The following PKMYT1 variants were observed in gnomAD, a reference collection of about 807,000 sequenced individuals.
PKMYT1 encodes the protein protein kinase, membrane associated tyrosine/threonine 1.
A neutral mutation model predicts 49.7 loss-of-function variants in PKMYT1; 35 were observed. The ratio of observed to expected loss-of-function variants is 0.70; its 90% CI spans 0.54 to 0.93. PKMYT1 has a LOEUF of 0.93. PKMYT1 is among the 40% of genes least tolerant of loss of function. PKMYT1 has a pLI of 0.00. For missense variants in PKMYT1, 677 were observed against 673.1 expected, an observed-to-expected ratio of 1.01 and a Z score of -0.06; for synonymous variants, 331 against 287.6, an observed-to-expected ratio of 1.15 and a Z score of -1.53.
At chr16:2,977,107 G>A (rs1247666223) in intron 2 of PKMYT1, 76 bp from the exon 3 acceptor site, 3 of 1,574,430 alleles carry the variant, frequency 1.9e-6, no homozygotes, top group Non-Finnish European at 2.6e-6. Context: ...GCTCCAAAGA[G>A]GCCACAGAAG....
chr16:2,974,974 G>A (rs940491671), intron 4 of PKMYT1, among the ~76,000 whole-genome samples: 1 of 152,234 alleles, frequency 6.6e-6, no homozygotes, highest in African/African-American at 2.4e-5. Flanking sequence ...GTGGTTACCA[G>A]TGTGGACCCT....
At chr16:2,977,213 C>T in intron 2 of PKMYT1, 182 bp from the exon 3 acceptor site, 1 of 1,419,244 alleles carries the variant, frequency 7.0e-7, no homozygotes, top group Non-Finnish European at 9.2e-7. Context: ...TTCATACTCA[C>T]CTGCCCACCA....
intron 2 of PKMYT1, chr16:2,977,271 G>C: frequency 7.3e-7 from 1 of 1,361,366 alleles, no homozygotes; most frequent in Non-Finnish European, 9.5e-7. Flanking sequence ...AAAACCATGG[G>C]GCCCGTGTTC....
Position 2,975,309 on chromosome 16 carries a change from C to G in PKMYT1, c.872+10G>C, listed in dbSNP as rs369223357. 6 of 1,598,134 alleles carry G rather than the reference C, an allele frequency of 3.8e-6. No homozygotes were observed. The highest frequency in any genetic ancestry group is 5.1e-6 in the Non-Finnish European group (6 of 1,170,012). ...AGCCTGCCAAACACCTGGCGTGCCC[C>G]GGTCCCCACCTGAACACATCCGCTG... On this transcript the variant is annotated intron_variant, in intron 4 of 8. Transcript: ENST00000262300.
At chr16:2,973,387 A>G in intron 7 of PKMYT1, 172 bp from the exon 8 acceptor site, 1 of 1,538,506 alleles carries the variant, frequency 6.5e-7, no homozygotes, top group Non-Finnish European at 8.7e-7. Context: ...GACAGCCTTC[A>G]AAGTCCTTCC....
chr16:2,977,269 G>A, intron 2 of PKMYT1: 7 of 1,367,042 alleles, frequency 5.1e-6, no homozygotes, highest in Non-Finnish European at 6.6e-6. Context: ...GGAAAACCAT[G>A]GGGCCCGTGT....
At chr16:2,975,992 C>A in intron 3 of PKMYT1, 180 bp from the exon 4 acceptor site, 2 of 683,018 alleles carry the variant, frequency 2.9e-6, no homozygotes, top group Non-Finnish European at 4.8e-6. Context: ...CTCCATCCCT[C>A]GGGCTGGGTC....
Position 2,974,017 on chromosome 16 carries a change from C to A in PKMYT1, c.1293G>T (p.Trp431Cys). Reference protein sequence around the residue: ...LLLDSSLSSNWDDDSLGPSLS... With the variant: ...LLLDSSLSSNCDDDSLGPSLS... Reference sequence around the variant, plus strand: ...GAACCCACCCTAGGCTGTCGTCATCCCAGTTGCTGGAGAGGCTGCTGTCCA... The same window carrying A: ...GAACCCACCCTAGGCTGTCGTCATCACAGTTGCTGGAGAGGCTGCTGTCCA... The change falls in exon 7 of 9, where the codon TGG (tryptophan) becomes TGT (cysteine). Residue 431 changes from tryptophan (W) to cysteine (C), a missense_variant. Physicochemically the swap from Trp to Cys is radical, Grantham distance 215. Transcript: ENST00000262300. 2 of 1,612,826 alleles carry A rather than the reference C, an allele frequency of 1.2e-6. No homozygotes were observed. Among genetic ancestry groups the A allele is most frequent in the Non-Finnish European group, 1.7e-6 (2 of 1,179,894 alleles).
At chr16:2,974,951 G>C (rs1161665857) in intron 4 of PKMYT1, among the ~76,000 whole-genome samples, 1 of 152,236 alleles carries the variant, frequency 6.6e-6, no homozygotes, top group Non-Finnish European at 1.5e-5. Flanking sequence ...TTACTATCCT[G>C]ATGATCAGGG....
intron 2 of PKMYT1, chr16:2,977,370 T>TTTTTCTTAA: frequency 1.9e-6 from 2 of 1,067,014 alleles, no homozygotes; most frequent in Admixed American, 4.8e-5. Flanking sequence ...GGCCAGCTCT[T>TTTTTCTTAA]TGATCCTAAA....
rs763791769 is a variant in PKMYT1, at chr16:2,973,117, C to G, written c.1388+21G>C. 3.8e-6 allele frequency: 6 copies of G among 1,561,416 alleles called. No individual in the cohort carries two copies. The East Asian group carries it at 1.2e-4, about 30-fold the overall frequency. On this transcript the variant is annotated intron_variant, in intron 8 of 8. Transcript: ENST00000262300. ...GATCCAAAAGCTAGCCCTGCCCACCCCAGCCCCTGGACCTGCTTACCTGGG... is the reference window on the plus strand; with the variant it reads ...GATCCAAAAGCTAGCCCTGCCCACCGCAGCCCCTGGACCTGCTTACCTGGG...
At position 2,974,107 on chromosome 16, in the gene PKMYT1, G is replaced by A. The variant is rs758869895; in HGVS notation, c.1203C>T (p.Ala401=). The part of the protein sequence containing the change: ...CWLWHGLAHP[A]SWLQPLGPPA... ...GCGGGCCCAGGGGCTGTAGCCAGCT[G>A]GCAGGGTGAGCCAGCCCATGCCAGA... is the stretch of plus-strand genomic sequence containing the variant. The change falls in exon 7 of 9, where the codon GCC becomes GCT. Residue 401 remains alanine, a synonymous_variant. Transcript: ENST00000262300. 2 of 1,607,180 alleles carry A rather than the reference G, an allele frequency of 1.2e-6. No individual in the cohort carries two copies. The highest frequency in any genetic ancestry group is 2.2e-5 in the South Asian group (2 of 90,128).
chr16:2,979,660 C>G lies in PKMYT1; in HGVS notation c.-3G>C. On this transcript the variant is annotated 5_prime_UTR_variant, in exon 2 of 9. Coordinates refer to ENST00000262300, the MANE Select transcript of PKMYT1 (RefSeq NM_004203.5). ...CCCTACGACTTACGTTCTAGCATGA[C>G]TGGCCTGGCCCAACAGCCTCAGTGG... is the stretch of plus-strand genomic sequence containing the variant. 1 of 1,613,734 alleles carries G rather than the reference C, an allele frequency of 6.2e-7. No homozygotes were observed. The highest frequency in any genetic ancestry group is 2.2e-5 in the East Asian group (1 of 44,882).
At position 2,974,061 on chromosome 16, in the gene PKMYT1, G is replaced by T. The variant is rs2072103011; in HGVS notation, c.1249C>A (p.Pro417Thr). The change falls in exon 7 of 9, where the codon CCA becomes ACA. Residue 417 changes from proline (P) to threonine (T), a missense_variant. Physicochemically the swap from Pro to Thr is conservative, Grantham distance 38. Coordinates refer to ENST00000262300, the MANE Select transcript of PKMYT1 (RefSeq NM_004203.5). ...LGPPATPPGS[P>T]PCSLLLDSSL... ...CTGTCCAGGAGCAAACTGCAGGGTG[G>T]TGAGCCAGGCGGGGTGGCTGGCGGG... 2.5e-6 allele frequency: 4 copies of T among 1,612,184 alleles called. No individual in the cohort carries two copies. The African/African-American group carries it at 4.0e-5, about 16-fold the overall frequency.
In PKMYT1 at chr16:2,977,545, C is replaced by T. The variant is rs4149778; in HGVS notation, c.11-514G>A. On this transcript the variant is annotated intron_variant, in intron 2 of 8. Transcript: ENST00000262300. Reference sequence around the variant, plus strand: ...TGGCAGTGTGTGCAGCTCCGTGGACCCCTGCCCCAGTGAAACAGCACAACT... The same window carrying T: ...TGGCAGTGTGTGCAGCTCCGTGGACTCCTGCCCCAGTGAAACAGCACAACT... 9.3e-4 allele frequency: 883 copies of T among 951,758 alleles called. 7 individuals are homozygous for T. The African/African-American group carries it at 0.014, about 15-fold the overall frequency. 59.0% of individuals were successfully genotyped at this position (951,758 alleles called of 1,614,324 possible). A position where few individuals can be genotyped will look rare whatever the true frequency, so the allele number is the denominator to read the frequency against.
At chr16:2,978,937 G>A (rs1286909729) in intron 2 of PKMYT1, among the ~76,000 whole-genome samples, 1 of 151,342 alleles carries the variant, frequency 6.6e-6, no homozygotes, top group Non-Finnish European at 1.5e-5. Flanking sequence ...CTCCTGAGTA[G>A]CTGGGATTAC....
chr16:2,976,284 G>A (rs1030226921), intron 3 of PKMYT1, among the ~76,000 whole-genome samples: 4 of 152,200 alleles, frequency 2.6e-5, no homozygotes, highest in Non-Finnish European at 4.4e-5. Context: ...AAGATGGCAG[G>A]CAGGGGGTAG....
In PKMYT1 at chr16:2,974,095, CTGTAG is replaced by C; in HGVS notation, c.1210_1214del (p.Leu404AlafsTer28). 3 of 1,608,066 alleles carry C rather than the reference CTGTAG, an allele frequency of 1.9e-6. No homozygotes were observed. Among genetic ancestry groups the C allele is most frequent in the Non-Finnish European group, 2.5e-6 (3 of 1,177,724 alleles). On this transcript the variant is annotated frameshift_variant, in exon 7 of 9. Coordinates refer to ENST00000262300, the MANE Select transcript of PKMYT1 (RefSeq NM_004203.5). LOFTEE classifies it high-confidence loss of function. ...GCGGGGTGGCTGGCGGGCCCAGGGG[CTGTAG>C]CCAGCTGGCAGGGTGAGCCAGCCCA...
chr16:2,979,352 G>C (rs55884133), intron 2 of PKMYT1: 1 of 324,190 alleles, frequency 3.1e-6, no homozygotes, highest in East Asian at 5.1e-5. Context: ...ATACATAATA[G>C]TAAATAAAAA....
Sources: gnomAD v4.1 joint callset for allele counts (sites outside exome capture counted in the v4.1 genomes callset) on GRCh38, gnomAD v4.1.1 for gene constraint, MANE v1.5 for transcripts, NCBI Gene and HGNC (gene_info 2026-07-23, HGNC 2026-07-21) for gene names.